The following NMNAT3 variants were observed in gnomAD, a reference collection of about 807,000 sequenced individuals.
The protein encoded by NMNAT3 is nicotinamide/nicotinic acid mononucleotide adenylyltransferase 3.
NMNAT3 carries 21 observed loss-of-function variants against 24.8 expected under a neutral mutation model. That is an observed-to-expected ratio of 0.85 (90% CI 0.60 to 1.22). The LOEUF is 1.22. Ranked by LOEUF, NMNAT3 falls within the 50% of genes most tolerant of loss-of-function variation. NMNAT3 has a pLI of 0.00. For synonymous variants in NMNAT3, 136 were observed against 155.2 expected (o/e 0.88, Z 0.92); for missense variants, 387 against 436.6 (o/e 0.89, Z 1.01).
At chr3:139,612,094 A>G (rs2055245570) in intron 3 of NMNAT3, among the ~76,000 whole-genome samples, 1 of 151,688 alleles carries the variant, frequency 6.6e-6, no homozygotes, top group Non-Finnish European at 1.5e-5. Context: ...TTGAATCCGG[A>G]AGGCAGAAGT....
At chr3:139,624,736 A>G (rs1300331266) in intron 3 of NMNAT3, among the ~76,000 whole-genome samples, 1 of 152,212 alleles carries the variant, frequency 6.6e-6, no homozygotes, top group Non-Finnish European at 1.5e-5. Context: ...GGCATGAGCC[A>G]CCGCGCCATG....
chr3:139,586,109 G>A (rs766971602), intron 3 of NMNAT3, among the ~76,000 whole-genome samples: 4 of 152,174 alleles, frequency 2.6e-5, no homozygotes, highest in African/African-American at 4.8e-5. Flanking sequence ...AGTGAAGTTT[G>A]CTAAAGAGAA....
intron 6 of NMNAT3, chr3:139,565,303 G>A (rs1295000289): frequency 6.6e-6 from 1 of 152,154 alleles, no homozygotes; most frequent in Non-Finnish European, 1.5e-5. Flanking sequence ...AGAGTGCAAA[G>A]ATTTTTAAAG....
At chr3:139,633,821 T>C (rs1267729895) in intron 2 of NMNAT3, among the ~76,000 whole-genome samples, 1 of 152,112 alleles carries the variant, frequency 6.6e-6, no homozygotes. Flanking sequence ...TGGGTGCCTA[T>C]GGAGTTTAGA....
chr3:139,590,821 T>C (rs1194044721), intron 3 of NMNAT3, among the ~76,000 whole-genome samples: 1 of 152,238 alleles, frequency 6.6e-6, no homozygotes, highest in Non-Finnish European at 1.5e-5. Flanking sequence ...TCAAACCACG[T>C]AAATTCACTT....
rs961834626 is a variant in NMNAT3 at position 139,583,130 on chromosome 3, T to C, written c.188A>G (p.His63Arg). ...ATTATTTTGAATCCTTTTTTGCAGA[T>C]GAAAAGAAATATCTTTTATTGAGAT... is the stretch of plus-strand genomic sequence containing the variant. The change falls in exon 4 of 7, where the codon CAT becomes CGT. Residue 63 changes from histidine to arginine, a missense_variant. His to Arg is a conservative substitution (Grantham distance 29, BLOSUM62 0). Around this residue, in one of 3 missense-constraint regions of NMNAT3, gnomAD observed 13 missense variants for 35.8 expected, o/e 0.36. Coordinates refer to ENST00000643695, the MANE Select transcript of NMNAT3 (RefSeq NM_001320510.2). The C allele has an allele frequency of 2.1e-4, 304 of 1,468,904 alleles. No individual in the cohort carries two copies. Among genetic ancestry groups the C allele is most frequent in the Non-Finnish European group, 2.7e-4 (286 of 1,053,234 alleles). The allele number at this position is 1,468,904 out of a possible 1,614,324, so 91.0% of individuals were successfully genotyped here.
At chr3:139,592,967 C>T (rs528896609) in intron 3 of NMNAT3, among the ~76,000 whole-genome samples, 6 of 152,164 alleles carry the variant, frequency 3.9e-5, no homozygotes, top group Admixed American at 2.0e-4. Flanking sequence ...TCACACATAA[C>T]AATATTAACT....
At position 139,574,846 on chromosome 3, in the gene NMNAT3, G is replaced by A. The variant is rs530286839; in HGVS notation, c.576-1166C>T. ...CCAAATGCTGGGGAAGTGGCCTGCT[G>A]CTGATTATAATTGGGAGGCAGCTCA... On this transcript the variant is annotated intron_variant, in intron 5 of 6. Coordinates refer to ENST00000643695, the MANE Select transcript of NMNAT3 (RefSeq NM_001320510.2). Among the ~76,000 whole-genome samples, 9 of 152,280 alleles carry A rather than the reference G, an allele frequency of 5.9e-5. No individual in the cohort carries two copies. In the South Asian group the frequency reaches 1.5e-3, roughly 25 times the overall value.
At chr3:139,569,628 C>G (rs566180783) in intron 6 of NMNAT3, 7 of 152,262 alleles carry the variant, frequency 4.6e-5, no homozygotes, top group African/African-American at 1.7e-4. Context: ...ATATGAAATT[C>G]TGGGTTGAAA....
At chr3:139,649,053 A>G (rs1354971837) in intron 1 of NMNAT3, among the ~76,000 whole-genome samples, 1 of 152,198 alleles carries the variant, frequency 6.6e-6, no homozygotes, top group African/African-American at 2.4e-5. Flanking sequence ...AAGAGTGGAC[A>G]GACTTGGGCT....
chr3:139,657,598 T>C (rs535073033), intron 1 of NMNAT3, among the ~76,000 whole-genome samples: 1 of 150,882 alleles, frequency 6.6e-6, no homozygotes, highest in East Asian at 2.0e-4. Context: ...GGGTCTTCTG[T>C]GGTGGGGAGT....
At chr3:139,644,769 C>G (rs2056815411) in intron 1 of NMNAT3, among the ~76,000 whole-genome samples, 1 of 152,254 alleles carries the variant, frequency 6.6e-6, no homozygotes, top group Middle Eastern at 3.4e-3. Flanking sequence ...ACACTTGACC[C>G]AGGAGTGAAC....
At chr3:139,671,660 C>T (rs2057760891) in intron 1 of NMNAT3, among the ~76,000 whole-genome samples, 1 of 151,948 alleles carries the variant, frequency 6.6e-6, no homozygotes, top group South Asian at 2.1e-4. Flanking sequence ...GAATGATCAA[C>T]GGCACCATAT....
chr3:139,602,490 T>G (rs2054760662), intron 3 of NMNAT3, among the ~76,000 whole-genome samples: 1 of 152,240 alleles, frequency 6.6e-6, no homozygotes, highest in Admixed American at 6.5e-5. Context: ...TTTTTCAAAG[T>G]GAAGTCTGCA....
intron 1 of NMNAT3, among the ~76,000 whole-genome samples, chr3:139,673,586 G>A (rs1219540538): frequency 1.3e-5 from 2 of 151,938 alleles, no homozygotes; most frequent in Non-Finnish European, 2.9e-5. Context: ...TTCCACATGC[G>A]GCCCTGACAC....
intron 3 of NMNAT3, among the ~76,000 whole-genome samples, chr3:139,606,504 A>C (rs1448290253): frequency 6.6e-6 from 1 of 152,206 alleles, no homozygotes; most frequent in Non-Finnish European, 1.5e-5. Flanking sequence ...AGATTTCTCC[A>C]CATAAGTTAG....
chr3:139,581,602 G>T lies in NMNAT3; in HGVS notation c.391+1325C>A, dbSNP rs912593428. 3.9e-4 allele frequency among the ~76,000 whole-genome samples: 59 copies of T among 152,086 alleles called. 1 individual carries two copies. The highest frequency in any genetic ancestry group is 1.4e-3 in the African/African-American group (59 of 41,404). ...GAAAGCCAAACCAAAAAAAGGAAAA[G>T]AGTACATACTATATGATTCAATTTA... is the stretch of plus-strand genomic sequence containing the variant. On this transcript the variant is annotated intron_variant, in intron 4 of 6. Transcript: ENST00000643695.
intron 2 of NMNAT3, chr3:139,635,872 T>C (rs1298278527): frequency 6.6e-6 from 1 of 152,210 alleles, no homozygotes; most frequent in African/African-American, 2.4e-5. Flanking sequence ...CCAGTGATCT[T>C]TGAATAGAAG....
chr3:139,660,329 T>C (rs1050133671), intron 1 of NMNAT3, among the ~76,000 whole-genome samples: 1 of 152,204 alleles, frequency 6.6e-6, no homozygotes, highest in Non-Finnish European at 1.5e-5. Flanking sequence ...TGATTTTTGA[T>C]TATCAGTGAC....
Sources: gnomAD v4.1 joint callset for allele counts (sites outside exome capture counted in the v4.1 genomes callset) on GRCh38, gnomAD v4.1.1 for gene constraint, gnomAD v4.1.1 regional missense constraint, MANE v1.5 for transcripts, NCBI Gene and HGNC (gene_info 2026-07-23, HGNC 2026-07-21) for gene names.